Variants in UBXN7 observed in about 807,000 individuals in gnomAD.
UBXN7 encodes UBX domain-containing protein 7.
UBXN7 carries 9 observed loss-of-function variants against 58.0 expected under a neutral mutation model. The ratio of observed to expected loss-of-function variants is 0.16; its 90% CI spans 0.09 to 0.27. The LOEUF (loss-of-function observed/expected upper bound fraction) is 0.27. Among genes scored for constraint, UBXN7 ranks in the 10% least tolerant of loss-of-function variants. The pLI, the probability that UBXN7 is intolerant of heterozygous loss-of-function variation, is 1.00. For missense variants in UBXN7, 328 were observed against 599.6 expected, an observed-to-expected ratio of 0.55 and a Z score of 4.73; for synonymous variants, 208 against 205.0, an observed-to-expected ratio of 1.01 and a Z score of -0.12.
chr3:196,381,486 A>G (rs1440184905), intron 5 of UBXN7, among the ~76,000 whole-genome samples: 1 of 152,260 alleles, frequency 6.6e-6, no homozygotes, highest in African/African-American at 2.4e-5. Context: ...TCTGTAGGTC[A>G]CCAACATCAA....
Position 196,348,261 on chromosome 3 carries a change from T to C in UBXN7, c.*8424A>G, listed in dbSNP as rs891297429. On this transcript the variant is annotated 3_prime_UTR_variant, in exon 11 of 11. Transcript: ENST00000296328. ...TTGAACAAAAAAATTTAGTGGATGGTCCAGCTGCCCCTTGCTCAACAATCC... is the reference window on the plus strand; with the variant it reads ...TTGAACAAAAAAATTTAGTGGATGGCCCAGCTGCCCCTTGCTCAACAATCC... 1 of 151,926 alleles carries C rather than the reference T, an allele frequency of 6.6e-6. No homozygotes were observed. Among genetic ancestry groups the C allele is most frequent in the Admixed American group, 6.6e-5 (1 of 15,214 alleles). 9.4% of individuals were successfully genotyped at this position (151,926 alleles called of 1,614,324 possible). A position where few individuals can be genotyped will look rare whatever the true frequency, so the allele number is the denominator to read the frequency against.
At chr3:196,356,997 G>A (rs1728368511) in intron 10 of UBXN7, 151 bp from the exon 11 acceptor site, 3 of 1,038,632 alleles carry the variant, frequency 2.9e-6, no homozygotes, top group Non-Finnish European at 4.0e-6. Flanking sequence ...TTGCCCTTGG[G>A]GAAGGGCCAA....
At chr3:196,414,204 T>C (rs1311479554) in intron 1 of UBXN7, among the ~76,000 whole-genome samples, 2 of 152,054 alleles carry the variant, frequency 1.3e-5, no homozygotes, top group Non-Finnish European at 2.9e-5. Flanking sequence ...AGGCTGGTCT[T>C]GAACTCCTGA....
At chr3:196,358,399 C>T (rs1728411184) in intron 10 of UBXN7, among the ~76,000 whole-genome samples, 1 of 152,126 alleles carries the variant, frequency 6.6e-6, no homozygotes, top group African/African-American at 2.4e-5. Flanking sequence ...TGGAACATAC[C>T]TTACGTGGCT....
At chr3:196,407,149 T>A in intron 2 of UBXN7, 97 bp downstream of exon 2, 1 of 1,501,970 alleles carries the variant, frequency 6.7e-7, no homozygotes, top group Non-Finnish European at 8.9e-7. Flanking sequence ...AGCCTTTCAT[T>A]TATTTCAAAA....
At chr3:196,411,128 G>A (rs149095517) in intron 1 of UBXN7, among the ~76,000 whole-genome samples, 1,767 of 152,212 alleles carry the variant, frequency 0.012, 20 homozygotes, top group South Asian at 0.037. Flanking sequence ...TTATATCCAT[G>A]GATATACTAC....
intron 10 of UBXN7, among the ~76,000 whole-genome samples, chr3:196,361,121 G>A (rs1162475076): frequency 1.3e-5 from 2 of 152,184 alleles, no homozygotes; most frequent in Non-Finnish European, 2.9e-5. Flanking sequence ...TTTGGAAGAG[G>A]TTGATTCCAA....
intron 5 of UBXN7, among the ~76,000 whole-genome samples, chr3:196,385,113 C>T (rs1313752924): frequency 6.6e-6 from 1 of 152,244 alleles, no homozygotes; most frequent in Non-Finnish European, 1.5e-5. Flanking sequence ...CCTGATTCTC[C>T]TGCCTCAGCC....
At chr3:196,419,662 TGA>T (rs910072094) in intron 1 of UBXN7, among the ~76,000 whole-genome samples, 3 of 152,182 alleles carry the variant, frequency 2.0e-5, no homozygotes, top group African/African-American at 7.2e-5. Context: ...TTCAGTAACA[TGA>T]GAGACCATTT....
In UBXN7 at chr3:196,372,066, T is replaced by G. The variant is rs144448904; in HGVS notation, c.469-24A>C. On this transcript the variant is annotated intron_variant, in intron 5 of 10. Coordinates refer to ENST00000296328, the MANE Select transcript of UBXN7 (RefSeq NM_015562.2). The stretch of plus-strand genomic sequence containing the variant: ...GCCTGCAAGAGTAAAGTTACACATT[T>G]GTTAGAAATAATTTCTACTTAGTGA... 1.4e-4 allele frequency: 212 copies of G among 1,565,426 alleles called. 1 individual carries two copies. In the African/African-American group the frequency reaches 2.4e-3, roughly 18 times the overall value.
At chr3:196,384,785 T>C (rs916229515) in intron 5 of UBXN7, among the ~76,000 whole-genome samples, 1 of 152,148 alleles carries the variant, frequency 6.6e-6, no homozygotes. Context: ...AAACTAGGTA[T>C]TGATGGAACG....
chr3:196,384,293 T>C (rs1212001146), intron 5 of UBXN7, among the ~76,000 whole-genome samples: 1 of 152,158 alleles, frequency 6.6e-6, no homozygotes, highest in African/African-American at 2.4e-5. Context: ...GGCTCTGAAA[T>C]TGAGGCAATA....
intron 5 of UBXN7, among the ~76,000 whole-genome samples, chr3:196,380,740 G>A (rs1261440854): frequency 2.6e-5 from 4 of 152,220 alleles, no homozygotes; most frequent in African/African-American, 9.7e-5. Flanking sequence ...AAGGGAAGCC[G>A]TGACAGACTA....
intron 5 of UBXN7, among the ~76,000 whole-genome samples, chr3:196,383,124 A>G (rs1307664176): frequency 1.3e-5 from 2 of 152,014 alleles, no homozygotes; most frequent in African/African-American, 2.4e-5. Context: ...TCCAAAAAAA[A>G]AAAAAGAAAA....
chr3:196,420,911 G>A (rs1284686167), intron 1 of UBXN7, among the ~76,000 whole-genome samples: 1 of 152,182 alleles, frequency 6.6e-6, no homozygotes, highest in Non-Finnish European at 1.5e-5. Context: ...AGCAGTCACA[G>A]AGACTTTTAA....
intron 5 of UBXN7, among the ~76,000 whole-genome samples, chr3:196,382,931 C>T (rs564723833): frequency 1.4e-4 from 22 of 152,050 alleles, no homozygotes; most frequent in East Asian, 9.7e-4. Flanking sequence ...CTGGCTAACA[C>T]GGTGAAACCC....
rs1728117139 is a variant in UBXN7 at position 196,347,714 on chromosome 3, T to G, written c.*8971A>C. ...AAGATCAAATATTACAACAGGACATTTACATGTATTTATAAAAAAATGCAG... is the reference window on the plus strand; with the variant it reads ...AAGATCAAATATTACAACAGGACATGTACATGTATTTATAAAAAAATGCAG... On this transcript the variant is annotated 3_prime_UTR_variant, in exon 11 of 11. Transcript: ENST00000296328. 1 of 152,156 alleles carries G rather than the reference T, an allele frequency of 6.6e-6. No homozygotes were observed. The allele number at this position is 152,156 out of a possible 1,614,324, so 9.4% of individuals were successfully genotyped here.
At chr3:196,407,961 G>A (rs1730212577) in intron 1 of UBXN7, among the ~76,000 whole-genome samples, 2 of 150,434 alleles carry the variant, frequency 1.3e-5, no homozygotes, top group Admixed American at 1.3e-4. Flanking sequence ...TGCCAGGCAT[G>A]GTGGTACACA....
chr3:196,367,880 A>G, intron 8 of UBXN7, 148 bp downstream of exon 8: 4 of 1,113,150 alleles, frequency 3.6e-6, no homozygotes, highest in Non-Finnish European at 5.0e-6. Flanking sequence ...TTATCAAAAT[A>G]TAAGGAGGAT....
Sources: gnomAD v4.1 joint callset for allele counts (sites outside exome capture counted in the v4.1 genomes callset) on GRCh38, gnomAD v4.1.1 for gene constraint, MANE v1.5 for transcripts, NCBI Gene and HGNC (gene_info 2026-07-23, HGNC 2026-07-21) for gene names.